Variants in NRG1 observed in about 807,000 individuals in gnomAD.
NRG1 encodes the protein neuregulin 1.
Under a neutral mutation model 63.8 loss-of-function variants are expected in NRG1, and 18 were observed. That is an observed-to-expected ratio of 0.28 (90% CI 0.19 to 0.42). The LOEUF is 0.42. Ranked by LOEUF, NRG1 falls within the 10% of genes least tolerant of loss-of-function variation. The pLI, the probability that NRG1 is intolerant of heterozygous loss-of-function variation, is 1.00. For missense variants in NRG1, 762 were observed against 814.7 expected (o/e 0.94, Z 0.79); for synonymous variants, 302 against 301.3 (o/e 1.00, Z -0.02).
chr8:31,813,516 C>CTT (rs377718067), intron 1 of NRG1, among the ~76,000 whole-genome samples: 1,886 of 101,188 alleles, frequency 0.019, 53 homozygotes, highest in African/African-American at 0.063. Context: ...CTTTTCTTTT[C>CTT]TTTTTTTTTT....
chr8:32,742,624 C>T lies in NRG1; in HGVS notation c.633-51C>T. 6.4e-7 allele frequency: 1 copy of T among 1,554,588 alleles called. No individual in the cohort carries two copies. Reference sequence around the variant, plus strand: ...GCTTCTTTCTAGCATATATTCACCTCTTCTCTTTTTCTCTGTTTTTCTACC... The same window carrying T: ...GCTTCTTTCTAGCATATATTCACCTTTTCTCTTTTTCTCTGTTTTTCTACC... On this transcript the variant is annotated intron_variant, in intron 6 of 11. Transcript: ENST00000356819. The surrounding 1 kb of genome is among the most constrained non-coding windows in gnomAD (Gnocchi z 4.2).
intron 1 of NRG1, among the ~76,000 whole-genome samples, chr8:32,054,863 C>CTTTTTTTTTTTT (rs543522972): frequency 9.4e-5 from 6 of 64,022 alleles, no homozygotes; most frequent in African/African-American, 3.7e-4. Flanking sequence ...TTCTTTCTTT[C>CTTTTTTTTTTTT]TTTTTTTTTT....
intron 1 of NRG1, among the ~76,000 whole-genome samples, chr8:31,804,029 A>AT (rs959567065): frequency 1.3e-5 from 2 of 151,764 alleles, no homozygotes; most frequent in African/African-American, 4.8e-5. Flanking sequence ...TCATTACCCT[A>AT]TTTTTTCATA....
intron 1 of NRG1, among the ~76,000 whole-genome samples, chr8:32,020,208 T>C (rs559341285): frequency 9.8e-5 from 15 of 152,320 alleles, no homozygotes; most frequent in African/African-American, 3.6e-4. Flanking sequence ...TTGGAATAGA[T>C]GTATTATGCA....
At chr8:32,065,345 C>G (rs573202496) in intron 1 of NRG1, among the ~76,000 whole-genome samples, 1 of 152,168 alleles carries the variant, frequency 6.6e-6, no homozygotes, top group East Asian at 1.9e-4. Context: ...TAATGCTATC[C>G]CTTCCCCCTC....
At chr8:32,466,953 A>G (rs1823143805) in intron 1 of NRG1, among the ~76,000 whole-genome samples, 1 of 152,110 alleles carries the variant, frequency 6.6e-6, no homozygotes, top group Non-Finnish European at 1.5e-5. Context: ...CATGTGATCA[A>G]TAGTAAAAGC....
intron 5 of NRG1, among the ~76,000 whole-genome samples, chr8:32,625,235 T>G (rs116111265): frequency 0.11 from 16,830 of 152,226 alleles, 947 homozygotes; most frequent in African/African-American, 0.14. Context: ...TCAAAAGTGT[T>G]GGAATGCCAC....
At chr8:32,139,523 T>G (rs2131713342) in intron 1 of NRG1, 1 of 152,358 alleles carries the variant, frequency 6.6e-6, no homozygotes, top group South Asian at 2.1e-4. Context: ...GAAATATCAC[T>G]GTTACATATA....
chr8:32,483,121 G>C (rs1825508261), intron 1 of NRG1, among the ~76,000 whole-genome samples: 1 of 152,272 alleles, frequency 6.6e-6, no homozygotes, highest in African/African-American at 2.4e-5. Flanking sequence ...ACATGAATAT[G>C]TGTGTGTGTG....
At chr8:32,286,620 A>C (rs1853551008) in intron 1 of NRG1, among the ~76,000 whole-genome samples, 1 of 152,224 alleles carries the variant, frequency 6.6e-6, no homozygotes, top group Admixed American at 6.5e-5. Context: ...TGGCTGTAAA[A>C]AAGAACCTGG....
chr8:31,871,543 G>A (rs1258851883), intron 1 of NRG1, among the ~76,000 whole-genome samples: 1 of 151,986 alleles, frequency 6.6e-6, no homozygotes, highest in African/African-American at 2.4e-5. Flanking sequence ...CCACCATGTG[G>A]GTAAGCGGGG....
At chr8:32,412,758 T>C (rs1815287945) in intron 1 of NRG1, among the ~76,000 whole-genome samples, 1 of 151,974 alleles carries the variant, frequency 6.6e-6, no homozygotes, top group South Asian at 2.1e-4. Flanking sequence ...ATGACAAGTA[T>C]TTGTGTCTCT....
chr8:32,524,298 T>A (rs556448747), intron 1 of NRG1, among the ~76,000 whole-genome samples: 1 of 152,162 alleles, frequency 6.6e-6, no homozygotes, highest in East Asian at 1.9e-4. Flanking sequence ...ATTTCCCTAG[T>A]CTTTTATCCT....
At chr8:32,010,939 G>A (rs1814655359) in intron 1 of NRG1, among the ~76,000 whole-genome samples, 1 of 152,060 alleles carries the variant, frequency 6.6e-6, no homozygotes, top group East Asian at 1.9e-4. Context: ...ATTCAGCCTT[G>A]TCACAAGAAT....
intron 1 of NRG1, among the ~76,000 whole-genome samples, chr8:31,717,323 C>G (rs940279016): frequency 4.0e-5 from 6 of 151,202 alleles, no homozygotes; most frequent in African/African-American, 1.5e-4. Context: ...AGGAGAATCA[C>G]TTGAACCCAG....
intron 1 of NRG1, among the ~76,000 whole-genome samples, chr8:32,215,437 A>G (rs1325391760): frequency 6.6e-6 from 1 of 152,150 alleles, no homozygotes; most frequent in Non-Finnish European, 1.5e-5. Context: ...GCCACGTGCT[A>G]TGGTTTACAC....
intron 1 of NRG1, among the ~76,000 whole-genome samples, chr8:32,462,383 G>A (rs1822423641): frequency 6.6e-6 from 1 of 152,006 alleles, no homozygotes; most frequent in Admixed American, 6.6e-5. Context: ...GGTTTGCAGA[G>A]AATTACATTC....
chr8:32,264,536 G>T (rs1436020642), intron 1 of NRG1, among the ~76,000 whole-genome samples: 1 of 152,172 alleles, frequency 6.6e-6, no homozygotes, highest in Non-Finnish European at 1.5e-5. Context: ...CAAACCAGCT[G>T]TGAAGACACT....
intron 1 of NRG1, among the ~76,000 whole-genome samples, chr8:32,360,618 C>A (rs1807079938): frequency 6.6e-6 from 1 of 152,004 alleles, no homozygotes; most frequent in South Asian, 2.1e-4. Context: ...AGTTTTGTAC[C>A]TCATAATTTG....
Sources: allele counts gnomAD v4.1 joint callset (sites outside exome capture counted in the v4.1 genomes callset), GRCh38; gene constraint gnomAD v4.1.1; non-coding constraint Gnocchi (gnomAD v3.1); transcripts MANE v1.5; gene names NCBI Gene and HGNC (gene_info 2026-07-23, HGNC 2026-07-21).